ZSCAN32: variants seen among roughly 807,000 people sequenced by gnomAD.
ZSCAN32 encodes zinc finger and SCAN domain containing 32, also known as zinc finger and SCAN domain-containing protein 32.
ZSCAN32 carries 52 observed loss-of-function variants against 47.4 expected under a neutral mutation model. The ratio of observed to expected loss-of-function variants is 1.10; its 90% confidence interval spans 0.88 to 1.38. ZSCAN32 has a LOEUF of 1.38. Ranked by LOEUF, ZSCAN32 falls within the 40% of genes most tolerant of loss-of-function variation. ZSCAN32 has a pLI of 0.00. For synonymous variants in ZSCAN32, 346 were observed against 305.7 expected (o/e 1.13, Z -1.38); for missense variants, 959 against 846.0 (o/e 1.13, Z -1.66).
intron 5 of ZSCAN32, among the ~76,000 whole-genome samples, chr16:3,389,699 G>C (rs1185752439): frequency 1.3e-5 from 2 of 152,198 alleles, no homozygotes; most frequent in Admixed American, 1.3e-4. Flanking sequence ...GAACACATCT[G>C]TGCTCCTGGT....
In ZSCAN32 at chr16:3,397,379, T is replaced by A; in HGVS notation, c.179A>T (p.Glu60Val). 7 of 1,555,188 alleles carry A rather than the reference T, an allele frequency of 4.5e-6. No individual in the cohort carries two copies. The highest frequency in any genetic ancestry group is 6.1e-6 in the Non-Finnish European group (7 of 1,149,596). Residue 60 changes from glutamate (E) to valine (V), a missense_variant, in exon 2 of 7, where the codon GAA (glutamate) becomes GTA (valine). By Grantham distance (121) the Glu-to-Val change is moderately radical. Coordinates refer to ENST00000396852, the MANE Select transcript of ZSCAN32 (RefSeq NM_001284527.2). ...GPHEAFSKLW[E>V]LCCQWLRPKT... is the part of the protein sequence containing the mutation. ...CGGCCTCAGCCACTGACAACAGAGT[T>A]CCCAGAGTTTGCTAAAAGCTTCATG...
intron 5 of ZSCAN32, 50 bp downstream of exon 5, chr16:3,389,960 T>C (rs1035776909): frequency 6.5e-7 from 1 of 1,531,852 alleles, no homozygotes; most frequent in Admixed American, 2.0e-5. Context: ...TCAGCCTCTC[T>C]GAACAACTGA....
chr16:3,393,255 A>ATT (rs1555474480), intron 3 of ZSCAN32, among the ~76,000 whole-genome samples: 4 of 16,158 alleles, frequency 2.5e-4, no homozygotes, highest in African/African-American at 4.4e-4. Context: ...ATATATATAT[A>ATT]TTTTTTGTTT....
At chr16:3,400,664 T>G (rs548430212) in intron 1 of ZSCAN32, among the ~76,000 whole-genome samples, 1 of 151,908 alleles carries the variant, frequency 6.6e-6, no homozygotes, top group African/African-American at 2.4e-5. Flanking sequence ...TGTGGATGAG[T>G]AGGGAGTGGG....
At chr16:3,399,798 G>GT (rs2033718263) in intron 1 of ZSCAN32, among the ~76,000 whole-genome samples, 1 of 152,126 alleles carries the variant, frequency 6.6e-6, no homozygotes, top group African/African-American at 2.4e-5. Flanking sequence ...TAGAGGTGGA[G>GT]TTTCACTATG....
rs566520970 is a variant in ZSCAN32 at position 3,387,525 on chromosome 16, C to G, written c.751+2485G>C. On this transcript the variant is annotated intron_variant, in intron 5 of 6. Coordinates refer to ENST00000396852, the MANE Select transcript of ZSCAN32 (RefSeq NM_001284527.2). The stretch of plus-strand genomic sequence containing the variant: ...ACACACACCTGCTGCCCATCTGGGC[C>G]AGTTCATGAGGACCGATTTGACTAG... 3.9e-5 allele frequency among the ~76,000 whole-genome samples: 6 copies of G among 152,342 alleles called. No homozygotes were observed. The East Asian group carries it at 1.2e-3, about 29-fold the overall frequency.
chr16:3,397,829 T>TGA, intron 1 of ZSCAN32, 85 bp from the exon 2 acceptor site: 18 of 281,486 alleles, frequency 6.4e-5, no homozygotes, highest in South Asian at 5.5e-4. Context: ...TCCCTTTCCT[T>TGA]TACTCCCTCC....
In ZSCAN32 at chr16:3,395,352, C is replaced by G. The variant is rs147535385; in HGVS notation, c.367-1538G>C. ...CAAATCTCATCTTCAGTTGTAGTTC[C>G]CATAATCCCCACGTGTCATGGGAAG... On this transcript the variant is annotated intron_variant, in intron 2 of 6. Coordinates refer to ENST00000396852, the MANE Select transcript of ZSCAN32 (RefSeq NM_001284527.2). Among the ~76,000 whole-genome samples the G allele has an allele frequency of 9.7e-3, 1,484 of 152,306 alleles. 19 individuals are homozygous for G. Among genetic ancestry groups the G allele is most frequent in the African/African-American group, 0.033 (1,385 of 41,560 alleles).
At chr16:3,389,391 T>C (rs2032396047) in intron 5 of ZSCAN32, among the ~76,000 whole-genome samples, 1 of 152,172 alleles carries the variant, frequency 6.6e-6, no homozygotes, top group South Asian at 2.1e-4. Flanking sequence ...AGGAGAAATC[T>C]AGGCCCAGTG....
intron 2 of ZSCAN32, among the ~76,000 whole-genome samples, chr16:3,395,693 GTTTTC>G (rs1057177515): frequency 6.6e-6 from 1 of 152,144 alleles, no homozygotes; most frequent in African/African-American, 2.4e-5. Context: ...CTCCTGCACT[GTTTTC>G]TTTTATATTA....
chr16:3,399,491 C>A (rs966298327), intron 1 of ZSCAN32, among the ~76,000 whole-genome samples: 1 of 152,184 alleles, frequency 6.6e-6, no homozygotes, highest in Non-Finnish European at 1.5e-5. Context: ...ATACTCAAGT[C>A]TTGACAACAT....
intron 5 of ZSCAN32, among the ~76,000 whole-genome samples, chr16:3,389,200 G>C (rs1191349422): frequency 6.6e-6 from 1 of 152,192 alleles, no homozygotes; most frequent in Non-Finnish European, 1.5e-5. Context: ...CCAGGAAACT[G>C]GGAGTTCCTG....
chr16:3,398,923 T>C (rs1186357691), intron 1 of ZSCAN32, among the ~76,000 whole-genome samples: 1 of 152,176 alleles, frequency 6.6e-6, no homozygotes, highest in Non-Finnish European at 1.5e-5. Flanking sequence ...CTTCTTCCTT[T>C]GTGAAAAAGT....
intron 5 of ZSCAN32, among the ~76,000 whole-genome samples, chr16:3,389,604 TG>T (rs2032426377): frequency 6.6e-6 from 1 of 151,838 alleles, no homozygotes. Flanking sequence ...CCTGGTTGGG[TG>T]GTTTTATTTG....
At chr16:3,384,423 GC>G in intron 6 of ZSCAN32, 35 bp downstream of exon 6, 1 of 1,612,102 alleles carries the variant, frequency 6.2e-7, no homozygotes, top group Non-Finnish European at 8.5e-7. Flanking sequence ...AGTGGACTTT[GC>G]CATCCTTTGA....
chr16:3,399,065 A>G (rs930487141), intron 1 of ZSCAN32, among the ~76,000 whole-genome samples: 21 of 152,156 alleles, frequency 1.4e-4, no homozygotes, highest in Admixed American at 2.6e-4. Flanking sequence ...TACTAAAAAT[A>G]CAAAAAAATT....
chr16:3,382,952 T>C lies in ZSCAN32; in HGVS notation c.1994A>G (p.His665Arg), dbSNP rs144884509. The C allele has an allele frequency of 6.2e-7, 1 of 1,614,022 alleles. No individual in the cohort carries two copies. The highest frequency in any genetic ancestry group is 1.7e-5 in the Admixed American group (1 of 59,992). ...GTTCTTAGTGAAGCCTCTCTCACAG[T>C]GAGAACACCTGTAAGGCTTTTCACC... ...HTGEKPYRCS[H>R]CERGFTKNSA... Residue 665 changes from histidine (H) to arginine (R), a missense_variant, in exon 7 of 7, where the codon CAC (histidine) becomes CGC (arginine). Physicochemically the swap from His to Arg is conservative, Grantham distance 29. Transcript: ENST00000396852.
Position 3,383,725 on chromosome 16 carries a change from A to AC in ZSCAN32, c.1235-15dup, listed in dbSNP as rs376206158. ...TGAACTCAAAACCTGAAAAAAAAAAACCCCACAGAAATACAATGGACTATA... is the reference window on the plus strand; with the variant it reads ...TGAACTCAAAACCTGAAAAAAAAAAACCCCCACAGAAATACAATGGACTATA... On this transcript the variant is annotated splice_polypyrimidine_tract_variant and intron_variant, in intron 6 of 6. Transcript: ENST00000396852. 23 of 1,560,192 alleles carry AC rather than the reference A, an allele frequency of 1.5e-5. No homozygotes were observed. Among genetic ancestry groups the AC allele is most frequent in the Non-Finnish European group, 2.0e-5 (23 of 1,164,940 alleles).
At chr16:3,389,085 A>G (rs1379288800) in intron 5 of ZSCAN32, among the ~76,000 whole-genome samples, 1 of 152,244 alleles carries the variant, frequency 6.6e-6, no homozygotes, top group Non-Finnish European at 1.5e-5. Context: ...ACTTAGTAAT[A>G]CAAATCTCAA....
Sources: allele counts gnomAD v4.1 joint callset (sites outside exome capture counted in the v4.1 genomes callset), GRCh38; gene constraint gnomAD v4.1.1; transcripts MANE v1.5; gene names NCBI Gene and HGNC (gene_info 2026-07-23, HGNC 2026-07-21).